The following CEP350 variants were observed in gnomAD, a reference collection of about 807,000 sequenced individuals.
CEP350 encodes the protein centrosome-associated protein 350.
A neutral mutation model predicts 331.8 loss-of-function variants in CEP350; 126 were observed. That is an observed-to-expected ratio of 0.38 (90% confidence interval 0.33 to 0.44). The LOEUF (loss-of-function observed/expected upper bound fraction) is 0.44. CEP350 is among the 20% of genes least tolerant of loss of function. CEP350 has a pLI of 1.00. For synonymous variants in CEP350, 1,200 were observed against 1,259.5 expected (o/e 0.95, Z 1.00); for missense variants, 3,406 against 3,634.6 (o/e 0.94, Z 1.62).
At chr1:179,971,654 C>T (rs1651464112) in intron 1 of CEP350, among the ~76,000 whole-genome samples, 1 of 152,174 alleles carries the variant, frequency 6.6e-6, no homozygotes, top group Non-Finnish European at 1.5e-5. Context: ...AAATAACTAA[C>T]TGTATCTCAA....
intron 3 of CEP350, among the ~76,000 whole-genome samples, 166 bp downstream of exon 3, chr1:179,987,452 A>G (rs1259608461): frequency 6.8e-6 from 1 of 147,928 alleles, no homozygotes; most frequent in Non-Finnish European, 1.5e-5. Context: ...TATACACTAT[A>G]TATAATATAT....
intron 25 of CEP350, among the ~76,000 whole-genome samples, chr1:180,060,888 A>C (rs1306538885): frequency 1.3e-5 from 2 of 152,166 alleles, no homozygotes; most frequent in East Asian, 1.9e-4. Context: ...TTTTAGAATA[A>C]TTTAAAAAGA....
chr1:180,011,305 T>C (rs1175052516), intron 8 of CEP350, among the ~76,000 whole-genome samples: 1 of 152,246 alleles, frequency 6.6e-6, no homozygotes, highest in Non-Finnish European at 1.5e-5. Flanking sequence ...TCCTCCAAAT[T>C]TTTTACATGT....
In CEP350 at chr1:180,068,871, T is replaced by C. The variant is rs368273301; in HGVS notation, c.5567+3599T>C. 2.7e-3 allele frequency among the ~76,000 whole-genome samples: 414 copies of C among 152,322 alleles called. 2 individuals are homozygous for C. Among genetic ancestry groups the C allele is most frequent in the African/African-American group, 9.5e-3 (394 of 41,576 alleles). ...ATGAGGACAGCTTCACATAGAGAAG[T>C]ATATCTAGATCAATTGTTAAGGAAG... On this transcript the variant is annotated intron_variant, in intron 27 of 37. Coordinates refer to ENST00000367607, the MANE Select transcript of CEP350 (RefSeq NM_014810.5).
intron 1 of CEP350, chr1:179,969,511 A>G (rs1651274980): frequency 4.4e-6 from 2 of 455,276 alleles, no homozygotes; most frequent in African/African-American, 2.0e-5. Flanking sequence ...ATTGGCCTTA[A>G]GCTGTTCTTG....
Position 180,015,938 on chromosome 1 carries a change from G to T in CEP350, c.2142G>T (p.Met714Ile). ...RPPSASSSSD[M>I]SLSEPPQPLA... ...CAAGTGCATCTTCCAGTAGTGACAT[G>T]TCTCTCTCAGAACCTCCACAGCCTC... The change falls in exon 11 of 38, where the codon ATG becomes ATT. Residue 714 changes from methionine (M) to isoleucine (I), a missense_variant. By Grantham distance (10) the Met-to-Ile change is conservative. This residue lies in a region of CEP350 where 1,857 missense variants were observed against 1,909.2 expected (regional missense o/e 0.97). Coordinates refer to ENST00000367607, the MANE Select transcript of CEP350 (RefSeq NM_014810.5). The T allele has an allele frequency of 6.2e-7, 1 of 1,613,870 alleles. No individual in the cohort carries two copies. The highest frequency in any genetic ancestry group is 2.2e-5 in the East Asian group (1 of 44,868).
chr1:180,078,116 A>G (rs1042152533), intron 28 of CEP350, among the ~76,000 whole-genome samples: 11 of 152,202 alleles, frequency 7.2e-5, no homozygotes, highest in Non-Finnish European at 1.0e-4. Flanking sequence ...CTGGGCAACA[A>G]GAACGGGATG....
intron 1 of CEP350, among the ~76,000 whole-genome samples, chr1:179,966,849 T>C (rs1429943246): frequency 6.6e-6 from 1 of 152,176 alleles, no homozygotes; most frequent in Non-Finnish European, 1.5e-5. Context: ...AGAGAGAACT[T>C]ACCCACAATC....
At chr1:180,009,494 A>C (rs1172458413) in intron 8 of CEP350, among the ~76,000 whole-genome samples, 1 of 152,192 alleles carries the variant, frequency 6.6e-6, no homozygotes, top group African/African-American at 2.4e-5. Flanking sequence ...CTAGATAGAG[A>C]GTCATTAAAT....
intron 1 of CEP350, among the ~76,000 whole-genome samples, chr1:179,961,427 G>A (rs766162372): frequency 2.0e-5 from 3 of 152,080 alleles, no homozygotes; most frequent in Non-Finnish European, 4.4e-5. Flanking sequence ...CAGCCAGGGC[G>A]ACAGAGAGAC....
intron 14 of CEP350, among the ~76,000 whole-genome samples, chr1:180,026,789 T>C (rs1175187160): frequency 6.6e-6 from 1 of 152,230 alleles, no homozygotes; most frequent in African/African-American, 2.4e-5. Flanking sequence ...TGTTGCAGCA[T>C]GTATCAGAAT....
intron 37 of CEP350, among the ~76,000 whole-genome samples, chr1:180,105,137 G>C (rs1661072188): frequency 6.6e-6 from 1 of 151,722 alleles, no homozygotes; most frequent in Admixed American, 6.6e-5. Flanking sequence ...AAACCCAGTG[G>C]TAAATCTCAG....
chr1:180,034,300 C>G (rs1656206583), intron 16 of CEP350, among the ~76,000 whole-genome samples: 1 of 152,034 alleles, frequency 6.6e-6, no homozygotes, highest in Non-Finnish European at 1.5e-5. Context: ...CAGCATTAGT[C>G]AAAACATATC....
chr1:180,041,032 G>T (rs1450443106), intron 17 of CEP350, 106 bp from the exon 18 acceptor site: 1 of 782,256 alleles, frequency 1.3e-6, no homozygotes, highest in African/African-American at 1.8e-5. Context: ...GTTCTAATTA[G>T]TTGCTTCAAA....
At chr1:180,104,484 A>G (rs1247649978) in intron 37 of CEP350, among the ~76,000 whole-genome samples, 1 of 152,146 alleles carries the variant, frequency 6.6e-6, no homozygotes, top group Non-Finnish European at 1.5e-5. Flanking sequence ...TTTGCATGTA[A>G]TAAACCCCAA....
rs1226349022 is a variant in CEP350, at chr1:180,054,462, A to T, written c.5222A>T (p.Lys1741Met). Residue 1741 changes from lysine (K) to methionine (M), a missense_variant, in exon 25 of 38, where the codon AAG becomes ATG. By Grantham distance (95) the Lys-to-Met change is moderately conservative. This residue lies in a region of CEP350 where 104 missense variants were observed against 143.3 expected (regional missense o/e 0.73). Transcript: ENST00000367607. ...GEDDKMPPLR[K>M]KQRGLLLRLQ... ...GATGATAAAATGCCCCCGCTCCGGA[A>T]GAAACAGCGTGGTTTGCTTTTAAGG... 10 of 1,602,652 alleles carry T rather than the reference A, an allele frequency of 6.2e-6. No homozygotes were observed. Among genetic ancestry groups the T allele is most frequent in the Non-Finnish European group, 7.7e-6 (9 of 1,174,374 alleles).
intron 23 of CEP350, 59 bp downstream of exon 23, chr1:180,053,225 G>A (rs1657620071): frequency 1.2e-6 from 1 of 850,338 alleles, no homozygotes; most frequent in African/African-American, 1.8e-5. Flanking sequence ...TCAAAGATAT[G>A]AGAAAACATT....
intron 27 of CEP350, among the ~76,000 whole-genome samples, chr1:180,066,805 G>A (rs541097160): frequency 3.3e-5 from 5 of 152,188 alleles, no homozygotes; most frequent in Admixed American, 6.5e-5. Context: ...CTATATGGGC[G>A]TACTGTATTG....
At position 180,062,330 on chromosome 1, in the gene CEP350, A is replaced by G. The variant is rs1359015956; in HGVS notation, c.5373A>G (p.Leu1791=). The G allele has an allele frequency of 1.2e-6, 2 of 1,610,440 alleles. No individual in the cohort carries two copies. The highest frequency in any genetic ancestry group is 2.2e-5 in the South Asian group (2 of 90,240). Residue 1791 remains leucine (L), a synonymous_variant, in exon 26 of 38, where the codon CTA becomes CTG. Transcript: ENST00000367607. ...AGATCCGACAGACCACCATAAAACT[A>G]CAGGAGAAATTGAAGTCTGCAGGGG... ...IEKIRQTTIK[L]QEKLKSAGES... is the part of the protein sequence containing the mutation.
Sources: allele counts gnomAD v4.1 joint callset (sites outside exome capture counted in the v4.1 genomes callset), GRCh38; gene constraint gnomAD v4.1.1; regional missense constraint gnomAD v4.1.1; transcripts MANE v1.5; gene names NCBI Gene and HGNC (gene_info 2026-07-23, HGNC 2026-07-21).